Variants in HIPK3 observed in about 807,000 individuals in gnomAD.
HIPK3 encodes the protein homeodomain interacting protein kinase 3.
HIPK3 carries 47 observed loss-of-function variants against 124.2 expected under a neutral mutation model. The observed-to-expected ratio is 0.38, with a 90% CI of 0.30 to 0.48. The LOEUF (loss-of-function observed/expected upper bound fraction) is 0.48, where lower values mean the gene tolerates loss of function less well. Among genes scored for constraint, HIPK3 ranks in the 20% least tolerant of loss-of-function variants. The pLI is 0.98. For missense variants in HIPK3, 1,286 were observed against 1,454.3 expected (o/e 0.88, Z 1.88); for synonymous variants, 482 against 515.2 (o/e 0.94, Z 0.87).
chr11:33,345,225 A>C (rs1444358538), intron 8 of HIPK3, among the ~76,000 whole-genome samples: 2 of 152,148 alleles, frequency 1.3e-5, no homozygotes, highest in Non-Finnish European at 2.9e-5. Flanking sequence ...TTTATATATT[A>C]AACAAGCTTT....
intron 2 of HIPK3, among the ~76,000 whole-genome samples, chr11:33,325,729 A>G (rs1852792937): frequency 7.9e-5 from 12 of 152,206 alleles, no homozygotes; most frequent in Admixed American, 7.9e-4. Flanking sequence ...GGTTCTAGGT[A>G]CACAAATAAT....
chr11:33,341,747 G>A (rs2133987921), intron 8 of HIPK3, 61 bp downstream of exon 8: 1 of 1,440,336 alleles, frequency 6.9e-7, no homozygotes, highest in Non-Finnish European at 9.5e-7. Context: ...AATAAGTTTA[G>A]GAATCTGTTC....
Position 33,287,217 on chromosome 11 carries a change from G to A in HIPK3, c.803G>A (p.Arg268His), listed in dbSNP as rs139279668. The A allele has an allele frequency of 6.3e-5, 102 of 1,613,964 alleles. No homozygotes were observed. The South Asian group carries it at 8.3e-4, about 13-fold the overall frequency. ...FVRAYECFQHRNHTCLVFEML... is the reference protein window; with the variant it reads ...FVRAYECFQHHNHTCLVFEML... Reference sequence around the variant, plus strand: ...CGAGCTTATGAATGCTTTCAGCACCGTAACCATACTTGTTTAGTCTTTGAG... The same window carrying A: ...CGAGCTTATGAATGCTTTCAGCACCATAACCATACTTGTTTAGTCTTTGAG... The change falls in exon 2 of 17, where the codon CGT becomes CAT. Residue 268 changes from arginine (R) to histidine (H), a missense_variant. Physicochemically the swap from Arg to His is conservative, Grantham distance 29 (BLOSUM62 0). Transcript: ENST00000303296.
Position 33,286,505 on chromosome 11 carries a change from A to G in HIPK3, c.91A>G (p.Ser31Gly), listed in dbSNP as rs1481845070. ...TGTGAAGAAACTCAAAGTAGAGCCA[A>G]GCAGTTGTGTATTCCAGGAAAGAAA... The part of the protein sequence containing the change: ...CSVKKLKVEP[S>G]SCVFQERNYP... Residue 31 changes from serine (S) to glycine (G), a missense_variant, in exon 2 of 17, where the codon AGC becomes GGC. Transcript: ENST00000303296. The G allele has an allele frequency of 6.2e-7, 1 of 1,613,752 alleles. No homozygotes were observed. The highest frequency in any genetic ancestry group is 8.5e-7 in the Non-Finnish European group (1 of 1,179,992).
At chr11:33,277,016 A>T (rs1851291289) in intron 1 of HIPK3, among the ~76,000 whole-genome samples, 1 of 152,122 alleles carries the variant, frequency 6.6e-6, no homozygotes, top group Non-Finnish European at 1.5e-5. Flanking sequence ...GTATTTTTGT[A>T]ATTTAAAAAT....
intron 7 of HIPK3, 110 bp downstream of exon 7, chr11:33,341,237 G>T: frequency 1.4e-6 from 1 of 723,644 alleles, no homozygotes; most frequent in South Asian, 2.4e-5. Context: ...ACAGTGCTGT[G>T]AGGTCTTACT....
Position 33,355,291 on chromosome 11 carries a change from G to A in HIPK3, c.*1723G>A, listed in dbSNP as rs1197060041. ...AAATAATTGCATTTGTTACTTTGGG[G>A]TGTGTTATTTGCATCAGTATTTTAT... On this transcript the variant is annotated 3_prime_UTR_variant, in exon 17 of 17. Transcript: ENST00000303296. 2 of 151,898 alleles carry A rather than the reference G, an allele frequency of 1.3e-5. No homozygotes were observed. The highest frequency in any genetic ancestry group is 2.1e-4 in the South Asian group (1 of 4,830). The allele number at this position is 151,898 out of a possible 1,614,324, so 9.4% of individuals were successfully genotyped here.
At chr11:33,258,390 C>G in intron 1 of HIPK3, 4 of 985,804 alleles carry the variant, frequency 4.1e-6, no homozygotes, top group Non-Finnish European at 4.8e-6. Flanking sequence ...AGCCGATGGC[C>G]GCGTCCCGGG....
intron 2 of HIPK3, among the ~76,000 whole-genome samples, chr11:33,304,329 G>A (rs1852091293): frequency 6.6e-6 from 1 of 152,128 alleles, no homozygotes; most frequent in Non-Finnish European, 1.5e-5. Flanking sequence ...AAGCCGAGGC[G>A]GGTGAATCAC....
chr11:33,339,304 CTG>C, intron 5 of HIPK3, 44 bp from the exon 6 acceptor site: 1 of 1,469,190 alleles, frequency 6.8e-7, no homozygotes, highest in Non-Finnish European at 9.5e-7. Context: ...ATACTACTCT[CTG>C]TGACTTATTT....
At position 33,257,886 on chromosome 11, in the gene HIPK3, G is replaced by A; in HGVS notation, c.-6G>A. 9.1e-6 allele frequency: 9 copies of A among 985,510 alleles called. No homozygotes were observed. The highest frequency in any genetic ancestry group is 1.1e-5 in the Non-Finnish European group (9 of 830,034). 61.0% of individuals were successfully genotyped at this position (985,510 alleles called of 1,614,324 possible). On this transcript the variant is annotated 5_prime_UTR_variant, in exon 1 of 17. Coordinates refer to ENST00000303296, the MANE Select transcript of HIPK3 (RefSeq NM_005734.5). Reference sequence around the variant, plus strand: ...AAGAGGAGAGAGCGCGGGCCTCTAGGAAGGTAAGGGAGTCGAGCGAGGGGC... The same window carrying A: ...AAGAGGAGAGAGCGCGGGCCTCTAGAAAGGTAAGGGAGTCGAGCGAGGGGC...
At chr11:33,258,002 C>T (rs1170021329) in intron 1 of HIPK3, 113 bp downstream of exon 1, 2 of 865,144 alleles carry the variant, frequency 2.3e-6, no homozygotes, top group Non-Finnish European at 1.4e-6. Flanking sequence ...CCGACACCTC[C>T]GGCGCAGCCC....
At chr11:33,332,833 T>C (rs1300336678) in intron 3 of HIPK3, among the ~76,000 whole-genome samples, 1 of 152,162 alleles carries the variant, frequency 6.6e-6, no homozygotes. Context: ...GAAAAGAGAT[T>C]TAATTGGCTC....
rs371285073 is a variant in HIPK3 at position 33,286,535 on chromosome 11, C to G, written c.121C>G (p.Pro41Ala). The G allele has an allele frequency of 6.2e-7, 1 of 1,613,936 alleles. No individual in the cohort carries two copies. Among genetic ancestry groups the G allele is most frequent in the Non-Finnish European group, 8.5e-7 (1 of 1,179,960 alleles). ...TTGTGTATTCCAGGAAAGAAACTAT[C>G]CACGGACCTATGTGAATGGTAGAAA... Reference protein sequence around the residue: ...SSCVFQERNYPRTYVNGRNFG... With the variant: ...SSCVFQERNYARTYVNGRNFG... Residue 41 changes from proline (P) to alanine (A), a missense_variant, in exon 2 of 17, where the codon CCA becomes GCA. Transcript: ENST00000303296.
intron 1 of HIPK3, among the ~76,000 whole-genome samples, chr11:33,264,251 A>G (rs1850899505): frequency 6.6e-6 from 1 of 152,158 alleles, no homozygotes; most frequent in Non-Finnish European, 1.5e-5. Context: ...TTTGAGCTGT[A>G]CTTCTAAGTT....
At chr11:33,295,562 A>T (rs1447868498) in intron 2 of HIPK3, among the ~76,000 whole-genome samples, 2 of 152,266 alleles carry the variant, frequency 1.3e-5, no homozygotes. Context: ...AACCTCGTTC[A>T]CATAGTACCC....
intron 8 of HIPK3, among the ~76,000 whole-genome samples, chr11:33,344,225 G>T (rs1853428636): frequency 6.6e-6 from 1 of 152,122 alleles, no homozygotes; most frequent in Admixed American, 6.5e-5. Context: ...CAAGATTGCT[G>T]TTTAAAAATT....
At chr11:33,285,043 C>G (rs1034122764) in intron 1 of HIPK3, among the ~76,000 whole-genome samples, 6 of 152,118 alleles carry the variant, frequency 3.9e-5, no homozygotes, top group Non-Finnish European at 5.9e-5. Flanking sequence ...AAAATAAGGT[C>G]ATAGGGGAGA....
chr11:33,281,058 CTTTTTTTTTTTTTTTT>C (rs56902582), intron 1 of HIPK3, among the ~76,000 whole-genome samples: 1 of 111,808 alleles, frequency 8.9e-6, no homozygotes, highest in Admixed American at 1.0e-4. Flanking sequence ...ACTTATTTGA[CTTTTTTTTTTTTTTTT>C]TTTTTTTTTT....
Sources: gnomAD v4.1 joint callset for allele counts (sites outside exome capture counted in the v4.1 genomes callset) on GRCh38, gnomAD v4.1.1 for gene constraint, MANE v1.5 for transcripts, NCBI Gene and HGNC (gene_info 2026-07-23, HGNC 2026-07-21) for gene names.